RAB7A: variants seen among roughly 807,000 people sequenced by gnomAD.
RAB7A encodes the protein RAB7A, member RAS oncogene family.
Under a neutral mutation model 24.5 loss-of-function variants are expected in RAB7A, and 2 were observed. The observed-to-expected ratio is 0.08, with a 90% CI of 0.03 to 0.26. RAB7A has a LOEUF of 0.26. Ranked by LOEUF, RAB7A falls within the 10% of genes least tolerant of loss-of-function variation. The pLI, the probability that RAB7A is intolerant of heterozygous loss-of-function variation, is 1.00. For synonymous variants in RAB7A, 100 were observed against 95.9 expected (o/e 1.04, Z -0.25); for missense variants, 118 against 255.7 (o/e 0.46, Z 3.67).
At chr3:128,809,944 T>C (rs1933889625) in intron 5 of RAB7A, among the ~76,000 whole-genome samples, 1 of 80,406 alleles carries the variant, frequency 1.2e-5, no homozygotes. Context: ...GTCTTTTTTT[T>C]TTTTTTTTTT....
intron 3 of RAB7A, among the ~76,000 whole-genome samples, chr3:128,800,757 C>T (rs193157172): frequency 2.4e-4 from 37 of 152,224 alleles, no homozygotes; most frequent in African/African-American, 7.9e-4. Flanking sequence ...AAATAACCCT[C>T]CTGAATGAAA....
intron 1 of RAB7A, among the ~76,000 whole-genome samples, chr3:128,746,163 C>G: frequency 6.6e-6 from 1 of 152,202 alleles, no homozygotes. Context: ...AACATTGTAC[C>G]CTTTGATAAA....
At position 128,806,599 on chromosome 3, in the gene RAB7A, C is replaced by A; in HGVS notation, c.399+9C>A. 1 of 1,607,862 alleles carries A rather than the reference C, an allele frequency of 6.2e-7. No homozygotes were observed. Among genetic ancestry groups the A allele is most frequent in the South Asian group, 1.1e-5 (1 of 90,890 alleles). On this transcript the variant is annotated intron_variant, in intron 4 of 5. Transcript: ENST00000265062. ...ACCTCGAAAACAGACAAGTAAGTAC[C>A]AACGATGATAGATATTGTCACAGAC...
chr3:128,777,174 A>C (rs1164004735), intron 1 of RAB7A, among the ~76,000 whole-genome samples: 3 of 151,882 alleles, frequency 2.0e-5, no homozygotes, highest in Non-Finnish European at 4.4e-5. Flanking sequence ...TTATCTCTGC[A>C]CTCTGTTGTT....
intron 1 of RAB7A, among the ~76,000 whole-genome samples, chr3:128,776,073 A>G (rs1210697674): frequency 6.6e-6 from 1 of 151,996 alleles, no homozygotes; most frequent in Non-Finnish European, 1.5e-5. Context: ...GGTAACTACC[A>G]TTTTACTCTC....
intron 1 of RAB7A, among the ~76,000 whole-genome samples, chr3:128,763,556 C>A (rs914432403): frequency 2.0e-5 from 3 of 152,076 alleles, no homozygotes; most frequent in Non-Finnish European, 4.4e-5. Context: ...CATTAGGAAC[C>A]TTTTAATGTC....
At chr3:128,808,399 A>C (rs1168863962) in intron 5 of RAB7A, among the ~76,000 whole-genome samples, 2 of 151,964 alleles carry the variant, frequency 1.3e-5, no homozygotes, top group African/African-American at 2.4e-5. Context: ...TTATATCTGA[A>C]CTTCTACCCC....
At chr3:128,740,889 A>G (rs2070545717) in intron 1 of RAB7A, among the ~76,000 whole-genome samples, 1 of 104,750 alleles carries the variant, frequency 9.5e-6, no homozygotes, top group East Asian at 3.3e-4. Flanking sequence ...TGACAGAGGG[A>G]GATGTCTCAA....
chr3:128,767,464 C>T (rs1475393354), intron 1 of RAB7A, among the ~76,000 whole-genome samples: 3 of 151,920 alleles, frequency 2.0e-5, no homozygotes, highest in African/African-American at 4.8e-5. Flanking sequence ...GTGAAGGGAG[C>T]CTGGGGTAAG....
intron 5 of RAB7A, among the ~76,000 whole-genome samples, chr3:128,810,124 A>AT (rs769068737): frequency 1.4e-3 from 208 of 150,118 alleles, no homozygotes; most frequent in Non-Finnish European, 2.5e-3. Flanking sequence ...AATTTTGGTA[A>AT]TTTTTTAGTA....
intron 1 of RAB7A, among the ~76,000 whole-genome samples, chr3:128,737,025 T>C (rs919673678): frequency 8.2e-6 from 1 of 122,252 alleles, no homozygotes; most frequent in African/African-American, 3.4e-5. Flanking sequence ...CACCTTCCGA[T>C]CCTAAGAAAT....
chr3:128,808,323 G>GT (rs1933848454), intron 5 of RAB7A, among the ~76,000 whole-genome samples: 1 of 152,002 alleles, frequency 6.6e-6, no homozygotes, highest in Non-Finnish European at 1.5e-5. Context: ...TCGTGCCACT[G>GT]TACTCCATCC....
At chr3:128,806,179 C>G (rs947058506) in intron 3 of RAB7A, among the ~76,000 whole-genome samples, 193 bp from the exon 4 acceptor site, 2 of 152,206 alleles carry the variant, frequency 1.3e-5, no homozygotes, top group Non-Finnish European at 2.9e-5. Context: ...TAGACAGACA[C>G]ATACTTAATC....
At chr3:128,729,866 C>G (rs1316796235) in intron 1 of RAB7A, among the ~76,000 whole-genome samples, 3 of 152,160 alleles carry the variant, frequency 2.0e-5, no homozygotes, top group South Asian at 2.1e-4. Context: ...TAGAAGTCCT[C>G]CTGAATAAGG....
chr3:128,779,028 T>C (rs1203320199), intron 1 of RAB7A, among the ~76,000 whole-genome samples: 1 of 152,212 alleles, frequency 6.6e-6, no homozygotes, highest in African/African-American at 2.4e-5. Context: ...TTAATCATTA[T>C]TGAAAGTGTT....
At chr3:128,795,998 G>A (rs1391609715) in intron 2 of RAB7A, among the ~76,000 whole-genome samples, 1 of 151,892 alleles carries the variant, frequency 6.6e-6, no homozygotes, top group African/African-American at 2.4e-5. Flanking sequence ...TGATCCGCCT[G>A]CCTCGGCCTC....
chr3:128,804,048 G>T (rs2107614740), intron 3 of RAB7A, among the ~76,000 whole-genome samples: 1 of 152,138 alleles, frequency 6.6e-6, no homozygotes, highest in Middle Eastern at 3.4e-3. Flanking sequence ...CAAACAATCA[G>T]CAACAAAAAA....
At chr3:128,737,678 C>T (rs1322598402) in intron 1 of RAB7A, among the ~76,000 whole-genome samples, 3 of 149,342 alleles carry the variant, frequency 2.0e-5, no homozygotes, top group Non-Finnish European at 3.0e-5. Flanking sequence ...GACAGGGTCT[C>T]ACTCTGTCAC....
At chr3:128,807,409 C>A in intron 4 of RAB7A, 134 bp from the exon 5 acceptor site, 10 of 1,347,946 alleles carry the variant, frequency 7.4e-6, no homozygotes, top group Non-Finnish European at 1.1e-5. Flanking sequence ...TCTCCTCCAA[C>A]ACCCTCTTTC....
Sources: allele counts gnomAD v4.1 joint callset (sites outside exome capture counted in the v4.1 genomes callset), GRCh38; gene constraint gnomAD v4.1.1; transcripts MANE v1.5; gene names NCBI Gene and HGNC (gene_info 2026-07-23, HGNC 2026-07-21).